HDAC4: variants seen among roughly 807,000 people sequenced by gnomAD.
The protein encoded by HDAC4 is histone deacetylase A.
In HDAC4, 16 loss-of-function variants were observed where a neutral mutation model predicts 135.1. The observed-to-expected ratio is 0.12, with a 90% CI of 0.08 to 0.18. HDAC4 has a LOEUF of 0.18. HDAC4 is among the 10% of genes least tolerant of loss of function. HDAC4 has a pLI of 1.00. For missense variants in HDAC4, 1,143 were observed against 1,511.8 expected (o/e 0.76, Z 4.05); for synonymous variants, 685 against 653.4 (o/e 1.05, Z -0.74).
intron 2 of HDAC4, among the ~76,000 whole-genome samples, chr2:239,288,219 G>A (rs1272028187): frequency 1.3e-5 from 2 of 152,184 alleles, no homozygotes; most frequent in African/African-American, 4.8e-5. Flanking sequence ...AAGTTTAACA[G>A]AAAATTAGAA....
intron 2 of HDAC4, among the ~76,000 whole-genome samples, chr2:239,273,763 T>C (rs1298237508): frequency 6.6e-6 from 1 of 151,876 alleles, no homozygotes; most frequent in Non-Finnish European, 1.5e-5. Context: ...CAAGCCAAGC[T>C]CCCCAACAAA....
Position 239,081,199 on chromosome 2 carries a change from C to A in HDAC4, c.2653-7G>T, listed in dbSNP as rs1056947821. 1 of 1,610,958 alleles carries A rather than the reference C, an allele frequency of 6.2e-7. No homozygotes were observed. Among genetic ancestry groups the A allele is most frequent in the Non-Finnish European group, 8.5e-7 (1 of 1,178,482 alleles). ...CGCCGGGCCCTGTGCCCACCTGTGG[C>A]CAGAAGGAGAGAAACACACGTCATG... is the stretch of plus-strand genomic sequence containing the variant. On this transcript the variant is annotated splice_region_variant and splice_polypyrimidine_tract_variant and intron_variant, in intron 21 of 26. Transcript: ENST00000543185.
At chr2:239,249,878 G>A (rs191425909) in intron 2 of HDAC4, among the ~76,000 whole-genome samples, 1 of 152,012 alleles carries the variant, frequency 6.6e-6, no homozygotes, top group Admixed American at 6.5e-5. Context: ...AAGCAGTGAA[G>A]ACTCGTTTAA....
At chr2:239,397,105 T>C (rs1219097451) in intron 1 of HDAC4, among the ~76,000 whole-genome samples, 1 of 152,248 alleles carries the variant, frequency 6.6e-6, no homozygotes, top group Non-Finnish European at 1.5e-5. Context: ...GACACTGAAC[T>C]AGAAAGGTAT....
At chr2:239,367,739 G>T (rs951273237) in intron 1 of HDAC4, among the ~76,000 whole-genome samples, 1 of 152,160 alleles carries the variant, frequency 6.6e-6, no homozygotes, top group African/African-American at 2.4e-5. Flanking sequence ...ACTAATCTCA[G>T]CACTTTGGGA....
chr2:239,261,444 T>C (rs947808801), intron 2 of HDAC4, among the ~76,000 whole-genome samples: 1 of 152,144 alleles, frequency 6.6e-6, no homozygotes, highest in African/African-American at 2.4e-5. Context: ...GTGGCAGGCC[T>C]GGGCTCTGGG....
At chr2:239,230,759 A>G (rs1218161656) in intron 3 of HDAC4, among the ~76,000 whole-genome samples, 1 of 152,226 alleles carries the variant, frequency 6.6e-6, no homozygotes, top group African/African-American at 2.4e-5. Flanking sequence ...GGCTCTGTGT[A>G]TGAAGGTAAT....
intron 22 of HDAC4, chr2:239,080,793 A>G (rs889382580): frequency 1.5e-5 from 7 of 464,408 alleles, no homozygotes; most frequent in Non-Finnish European, 2.3e-5. Flanking sequence ...TCTCATGAAC[A>G]TAACACTCTG....
At chr2:239,377,915 T>TGAGGG (rs1328599081) in intron 1 of HDAC4, among the ~76,000 whole-genome samples, 2 of 152,102 alleles carry the variant, frequency 1.3e-5, no homozygotes, top group African/African-American at 4.8e-5. Context: ...CCCACCTGCT[T>TGAGGG]GGTTTTACAC....
intron 1 of HDAC4, among the ~76,000 whole-genome samples, chr2:239,362,418 C>T (rs919027959): frequency 3.9e-5 from 6 of 152,176 alleles, no homozygotes; most frequent in Non-Finnish European, 8.8e-5. Context: ...CATAAACCTT[C>T]CAAAGAGCAA....
At chr2:239,250,938 T>C (rs989571915) in intron 2 of HDAC4, among the ~76,000 whole-genome samples, 1 of 152,104 alleles carries the variant, frequency 6.6e-6, no homozygotes, top group Non-Finnish European at 1.5e-5. Context: ...CCACGTGTGT[T>C]CACGTGCCCC....
At chr2:239,147,267 G>A (rs1293754093) in intron 7 of HDAC4, among the ~76,000 whole-genome samples, 1 of 152,218 alleles carries the variant, frequency 6.6e-6, no homozygotes, top group Non-Finnish European at 1.5e-5. Context: ...CACGAGGACC[G>A]GCTCACTGCC....
chr2:239,059,712 A>G (rs778420334), intron 24 of HDAC4, among the ~76,000 whole-genome samples: 5 of 152,206 alleles, frequency 3.3e-5, no homozygotes, highest in Non-Finnish European at 5.9e-5. Context: ...CCAGTCAAGG[A>G]ACAGATTATC....
intron 2 of HDAC4, among the ~76,000 whole-genome samples, chr2:239,342,905 G>A (rs1448785928): frequency 2.0e-5 from 3 of 152,202 alleles, no homozygotes; most frequent in African/African-American, 7.2e-5. Flanking sequence ...GCCTGGCTAT[G>A]GGCTTCGGTC....
chr2:239,142,128 A>G (rs989098849), intron 8 of HDAC4, among the ~76,000 whole-genome samples: 8 of 152,120 alleles, frequency 5.3e-5, no homozygotes, highest in African/African-American at 1.7e-4. Context: ...GTGCAGAGTG[A>G]GCAGGATTCA....
At chr2:239,225,635 G>A (rs1312069963) in intron 3 of HDAC4, among the ~76,000 whole-genome samples, 1 of 152,212 alleles carries the variant, frequency 6.6e-6, no homozygotes, top group Non-Finnish European at 1.5e-5. Flanking sequence ...GCCCGCCCAG[G>A]AAGGCCCACG....
At chr2:239,346,824 C>T (rs1399490995) in intron 2 of HDAC4, among the ~76,000 whole-genome samples, 2 of 145,002 alleles carry the variant, frequency 1.4e-5, no homozygotes, top group African/African-American at 2.5e-5. Context: ...AACACACACA[C>T]ACCACCTAAC....
chr2:239,197,883 G>GTGTGTGTGTGTGTGTGTGTGT (rs56701349), intron 3 of HDAC4, among the ~76,000 whole-genome samples: 1 of 142,928 alleles, frequency 7.0e-6, no homozygotes, highest in Non-Finnish European at 1.5e-5. Flanking sequence ...GTGTGTGTGT[G>GTGTGTGTGTGTGTGTGTGTGT]CTGAGTGTCA....
rs756513249 is a variant in HDAC4 at position 239,095,076 on chromosome 2, G to A, written c.2234-20C>T. ...GCGAGCCTGTGGGGGGGAGGGAGAC[G>A]GTCAGAGAGGCCAAGGGCACGCGGC... On this transcript the variant is annotated intron_variant, in intron 16 of 26. Coordinates refer to ENST00000543185, the MANE Select transcript of HDAC4 (RefSeq NM_001378414.1). 1.5e-5 allele frequency: 24 copies of A among 1,613,570 alleles called. No individual in the cohort carries two copies. Among genetic ancestry groups the A allele is most frequent in the African/African-American group, 1.2e-4 (9 of 74,944 alleles).
Sources: gnomAD v4.1 joint callset for allele counts (sites outside exome capture counted in the v4.1 genomes callset) on GRCh38, gnomAD v4.1.1 for gene constraint, MANE v1.5 for transcripts, NCBI Gene and HGNC (gene_info 2026-07-23, HGNC 2026-07-21) for gene names.